Variants in NAV2 observed in about 807,000 individuals in gnomAD.
NAV2 encodes the protein neuron navigator 2, also known as helicase, APC down-regulated 1.
Under a neutral mutation model 223.2 loss-of-function variants are expected in NAV2, and 54 were observed. The observed-to-expected ratio is 0.24, with a 90% CI of 0.19 to 0.30. The LOEUF is 0.30. Among genes scored for constraint, NAV2 ranks in the 10% least tolerant of loss-of-function variants. NAV2 has a pLI of 1.00. For missense variants in NAV2, 2,806 were observed against 3,147.5 expected, an observed-to-expected ratio of 0.89 and a Z score of 2.60; for synonymous variants, 1,279 against 1,239.3, an observed-to-expected ratio of 1.03 and a Z score of -0.67.
intron 1 of NAV2, among the ~76,000 whole-genome samples, chr11:19,752,418 C>T (rs1326183815): frequency 1.3e-5 from 2 of 152,134 alleles, no homozygotes; most frequent in East Asian, 3.8e-4. Context: ...AACTTCCTTT[C>T]TCATTTCAAA....
At chr11:20,046,202 G>T (rs532499087) in intron 14 of NAV2, among the ~76,000 whole-genome samples, 1 of 125,346 alleles carries the variant, frequency 8.0e-6, no homozygotes, top group Non-Finnish European at 1.9e-5. Flanking sequence ...CTGGCATGGT[G>T]GTATGCACCT....
chr11:19,495,113 T>G (rs1231307074), intron 1 of NAV2, among the ~76,000 whole-genome samples: 1 of 152,196 alleles, frequency 6.6e-6, no homozygotes, highest in Non-Finnish European at 1.5e-5. Context: ...AGGGGACACT[T>G]ATCAGCCCCT....
At position 19,766,956 on chromosome 11, in the gene NAV2, A is replaced by G. The variant is rs150002915; in HGVS notation, c.267+52994A>G. On this transcript the variant is annotated intron_variant, in intron 1 of 37. Transcript: ENST00000349880. ...TGATCCTGTGGAAGGCTCCAGGAGG[A>G]CTTGGTACCCTACACCCTTGAGTTT... 2.2e-3 allele frequency among the ~76,000 whole-genome samples: 332 copies of G among 152,242 alleles called. 2 individuals are homozygous for G. The highest frequency in any genetic ancestry group is 7.5e-3 in the African/African-American group (313 of 41,554).
intron 1 of NAV2, among the ~76,000 whole-genome samples, chr11:19,582,824 G>C (rs1199910163): frequency 6.6e-6 from 1 of 152,070 alleles, no homozygotes; most frequent in Non-Finnish European, 1.5e-5. Flanking sequence ...TGTTCTTTTG[G>C]CTTAGGATTG....
At chr11:19,735,278 G>A (rs1473014342) in intron 1 of NAV2, among the ~76,000 whole-genome samples, 6 of 152,176 alleles carry the variant, frequency 3.9e-5, no homozygotes, top group African/African-American at 1.2e-4. Context: ...AGCTTAGCAC[G>A]GGCCCCTGCT....
intron 7 of NAV2, among the ~76,000 whole-genome samples, chr11:19,935,145 T>G (rs981893090): frequency 1.1e-4 from 17 of 152,346 alleles, no homozygotes; most frequent in African/African-American, 4.1e-4. Context: ...CCCTTAAAGT[T>G]CTTATCATTC....
At chr11:19,949,441 C>T (rs1299362699) in intron 10 of NAV2, among the ~76,000 whole-genome samples, 4 of 152,076 alleles carry the variant, frequency 2.6e-5, no homozygotes, top group African/African-American at 9.7e-5. Context: ...CTTCCTCTCT[C>T]CTACCTATTT....
At chr11:19,475,769 A>G (rs558858911) in intron 1 of NAV2, among the ~76,000 whole-genome samples, 57 of 152,354 alleles carry the variant, frequency 3.7e-4, no homozygotes, top group South Asian at 3.5e-3. Flanking sequence ...GTCAGCCTGA[A>G]AAAAATAGTT....
At chr11:19,708,997 G>A (rs2049767559), upstream of NAV2, among the ~76,000 whole-genome samples, 1 of 151,764 alleles carries the variant, frequency 6.6e-6, no homozygotes, top group African/African-American at 2.4e-5. Flanking sequence ...CCAGTGACTT[G>A]CGTTAGCCTC....
chr11:19,525,822 T>C (rs1565016395), intron 1 of NAV2, among the ~76,000 whole-genome samples: 1 of 152,112 alleles, frequency 6.6e-6, no homozygotes, highest in Non-Finnish European at 1.5e-5. Flanking sequence ...AAGTTTAACC[T>C]TTCTCCCTCA....
At chr11:19,653,249 G>T (rs2048021448) in intron 1 of NAV2, among the ~76,000 whole-genome samples, 1 of 152,184 alleles carries the variant, frequency 6.6e-6, no homozygotes, top group Non-Finnish European at 1.5e-5. Context: ...GGTGAAACAT[G>T]GGAAATGTAC....
intron 32 of NAV2, 79 bp from the exon 33 acceptor site, chr11:20,103,176 A>C: frequency 1.4e-6 from 2 of 1,403,358 alleles, no homozygotes; most frequent in South Asian, 1.4e-5. Context: ...GGCCTGGGTG[A>C]GGCAAAGGCC....
intron 1 of NAV2, among the ~76,000 whole-genome samples, chr11:19,693,145 C>G (rs1409170643): frequency 6.6e-6 from 1 of 152,252 alleles, no homozygotes; most frequent in Non-Finnish European, 1.5e-5. Flanking sequence ...TATCTACTAC[C>G]AGCCCACCTC....
chr11:19,940,319 G>T (rs183724639), intron 8 of NAV2, among the ~76,000 whole-genome samples: 1 of 152,076 alleles, frequency 6.6e-6, no homozygotes, highest in African/African-American at 2.4e-5. Flanking sequence ...ACATTATACT[G>T]TATGACGGCA....
chr11:20,082,890 A>T (rs1382842243), intron 25 of NAV2, 117 bp from the exon 26 acceptor site: 9 of 1,018,822 alleles, frequency 8.8e-6, no homozygotes, highest in Non-Finnish European at 5.7e-6. Flanking sequence ...AACCTCTTCC[A>T]TTGGTGGGGG....
intron 1 of NAV2, among the ~76,000 whole-genome samples, chr11:19,428,613 C>T (rs118016711): frequency 1.4e-4 from 22 of 152,314 alleles, no homozygotes; most frequent in African/African-American, 2.2e-4. Flanking sequence ...TACTTGAATG[C>T]GAAATTTAAT....
intron 1 of NAV2, among the ~76,000 whole-genome samples, chr11:19,572,172 C>A (rs1308815470): frequency 6.6e-6 from 1 of 152,258 alleles, no homozygotes; most frequent in Non-Finnish European, 1.5e-5. Context: ...ACACAGTCAG[C>A]TTGCCCAGGC....
At chr11:19,737,081 G>A (rs2052388288) in intron 1 of NAV2, among the ~76,000 whole-genome samples, 1 of 152,238 alleles carries the variant, frequency 6.6e-6, no homozygotes, top group Non-Finnish European at 1.5e-5. Flanking sequence ...AACACCACTG[G>A]GGTAATTCCT....
chr11:19,428,196 T>C (rs1378251202), intron 1 of NAV2, among the ~76,000 whole-genome samples: 39 of 152,336 alleles, frequency 2.6e-4, no homozygotes, highest in Admixed American at 2.5e-3. Context: ...GTTGCTGTTG[T>C]TAAATATCCC....
Sources: allele counts gnomAD v4.1 joint callset (sites outside exome capture counted in the v4.1 genomes callset), GRCh38; gene constraint gnomAD v4.1.1; transcripts MANE v1.5; gene names NCBI Gene and HGNC (gene_info 2026-07-23, HGNC 2026-07-21).